Variants in RTN3 observed in about 807,000 individuals in gnomAD.
RTN3 encodes reticulon-3.
In RTN3, 49 loss-of-function variants were observed where a neutral mutation model predicts 77.8. The ratio of observed to expected loss-of-function variants is 0.63; its 90% CI spans 0.50 to 0.80. The LOEUF (loss-of-function observed/expected upper bound fraction) is 0.80. Ranked by LOEUF, RTN3 falls within the 30% of genes least tolerant of loss-of-function variation. The probability of loss-of-function intolerance (pLI) is 0.00; values close to 1 mark genes in which losing one functional copy is unlikely to be tolerated. For synonymous variants in RTN3, 464 were observed against 446.9 expected, an observed-to-expected ratio of 1.04 and a Z score of -0.48; for missense variants, 1,236 against 1,211.9, an observed-to-expected ratio of 1.02 and a Z score of -0.29.
At chr11:63,750,878 C>T (rs183941272) in intron 4 of RTN3, among the ~76,000 whole-genome samples, 1 of 152,150 alleles carries the variant, frequency 6.6e-6, no homozygotes, top group Non-Finnish European at 1.5e-5. Context: ...ACTACAGGCA[C>T]CCACCATCAC....
At position 63,704,912 on chromosome 11, in the gene RTN3, G is replaced by A. The variant is rs770097491; in HGVS notation, c.199+5G>A. On this transcript the variant is annotated splice_donor_5th_base_variant and intron_variant, in intron 2 of 8. Coordinates refer to ENST00000377819, the MANE Select transcript of RTN3 (RefSeq NM_001265589.2). ...CTCTATTTTCGACCTCACAAGGCAA[G>A]TCTGTAATTTTTTTGTGTGCATTGG... 1.2e-6 allele frequency: 2 copies of A among 1,607,466 alleles called. No individual in the cohort carries two copies. The highest frequency in any genetic ancestry group is 2.2e-5 in the East Asian group (1 of 44,824).
At chr11:63,730,710 C>G (rs1382573307) in intron 3 of RTN3, among the ~76,000 whole-genome samples, 2 of 152,148 alleles carry the variant, frequency 1.3e-5, no homozygotes, top group African/African-American at 2.4e-5. Flanking sequence ...GTCCCAGCTA[C>G]TCAGGAGGCT....
In RTN3 at chr11:63,752,519, C is replaced by A. The variant is rs112039472; in HGVS notation, c.2751C>A (p.Asp917Glu). 2 of 1,613,200 alleles carry A rather than the reference C, an allele frequency of 1.2e-6. No individual in the cohort carries two copies. Among genetic ancestry groups the A allele is most frequent in the African/African-American group, 2.7e-5 (2 of 75,020 alleles). The change falls in exon 5 of 9, where the codon GAC becomes GAA. Residue 917 changes from aspartate (D) to glutamate (E), a missense_variant. By Grantham distance (45) the Asp-to-Glu change is conservative (BLOSUM62 2). Transcript: ENST00000377819. ...CTTCTTCTGGAAGAGCCTACCTGGACGTAGACATTACTCTGTCCTCAGAAG... is the reference window on the plus strand; with the variant it reads ...CTTCTTCTGGAAGAGCCTACCTGGAAGTAGACATTACTCTGTCCTCAGAAG... ...EEGHPFKAYL[D>E]VDITLSSEAF...
At chr11:63,751,446 T>A (rs2014101006) in intron 4 of RTN3, among the ~76,000 whole-genome samples, 1 of 152,242 alleles carries the variant, frequency 6.6e-6, no homozygotes, top group African/African-American at 2.4e-5. Context: ...AATTTCTAGC[T>A]TTTTTGATTG....
At chr11:63,735,269 G>A (rs895948418) in intron 3 of RTN3, among the ~76,000 whole-genome samples, 1 of 151,934 alleles carries the variant, frequency 6.6e-6, no homozygotes, top group Admixed American at 6.6e-5. Flanking sequence ...GGATTACAAG[G>A]TGTGAGCCAC....
chr11:63,733,481 TCAGAATAAAAAAA>T (rs1171942023), intron 3 of RTN3, among the ~76,000 whole-genome samples: 1 of 146,988 alleles, frequency 6.8e-6, no homozygotes, highest in Non-Finnish European at 1.5e-5. Context: ...AGAGACTGTC[TCAGAATAAAAAAA>T]AAAAAGATTG....
intron 2 of RTN3, among the ~76,000 whole-genome samples, chr11:63,707,951 A>T (rs1942577482): frequency 6.6e-6 from 1 of 152,242 alleles, no homozygotes; most frequent in African/African-American, 2.4e-5. Flanking sequence ...AAAGTAGCCC[A>T]GTGGGGCCCT....
intron 2 of RTN3, among the ~76,000 whole-genome samples, chr11:63,716,979 C>CAA (rs6144367): frequency 0.67 from 81,070 of 120,140 alleles, 28,229 homozygotes; most frequent in East Asian, 0.94. Context: ...AAAAAAAAAA[C>CAA]AAAAAAAAAA....
At chr11:63,740,966 A>G (rs1371332733) in intron 3 of RTN3, among the ~76,000 whole-genome samples, 1 of 152,126 alleles carries the variant, frequency 6.6e-6, no homozygotes, top group Non-Finnish European at 1.5e-5. Context: ...ATCCTATTTT[A>G]CAAATGAGGG....
At chr11:63,727,825 TGAGA>T (rs1044682628) in intron 3 of RTN3, among the ~76,000 whole-genome samples, 4 of 151,994 alleles carry the variant, frequency 2.6e-5, no homozygotes, top group African/African-American at 7.2e-5. Flanking sequence ...GAGAGGAAAG[TGAGA>T]GAGAGACTGG....
intron 2 of RTN3, among the ~76,000 whole-genome samples, chr11:63,713,420 C>A (rs1366226185): frequency 6.6e-6 from 1 of 152,142 alleles, no homozygotes; most frequent in Non-Finnish European, 1.5e-5. Context: ...AGCAGTCCTC[C>A]CACTTCAGCC....
intron 3 of RTN3, among the ~76,000 whole-genome samples, chr11:63,729,392 A>AG (rs922592540): frequency 7.9e-5 from 12 of 151,460 alleles, no homozygotes; most frequent in Non-Finnish European, 1.6e-4. Context: ...CAATTATAAC[A>AG]GAAAAAAACG....
chr11:63,707,817 G>A lies in RTN3; in HGVS notation c.199+2910G>A, dbSNP rs1275745585. Among the ~76,000 whole-genome samples, 3 of 151,990 alleles carry A rather than the reference G, an allele frequency of 2.0e-5. No homozygotes were observed. The South Asian group carries it at 6.2e-4, about 32-fold the overall frequency. On this transcript the variant is annotated intron_variant, in intron 2 of 8. Transcript: ENST00000377819. ...CTATTCATTGCACTCCAGCTTGGGC[G>A]AAAGAGCAAAACTCCGTCTCAAAAA...
chr11:63,704,720 A>T, intron 1 of RTN3, 131 bp from the exon 2 acceptor site: 1 of 591,472 alleles, frequency 1.7e-6, no homozygotes, highest in Non-Finnish European at 3.0e-6. Flanking sequence ...GGAAATAAAG[A>T]TTTGAGTTTT....
rs1345641979 is a variant in RTN3 at position 63,719,136 on chromosome 11, A to C, written c.634A>C (p.Lys212Gln). The C allele has an allele frequency of 6.2e-7, 1 of 1,614,102 alleles. No homozygotes were observed. Among genetic ancestry groups the C allele is most frequent in the Non-Finnish European group, 8.5e-7 (1 of 1,180,052 alleles). The change falls in exon 3 of 9, where the codon AAA becomes CAA. Residue 212 changes from lysine to glutamine, a missense_variant. By Grantham distance (53) the Lys-to-Gln change is moderately conservative. Coordinates refer to ENST00000377819, the MANE Select transcript of RTN3 (RefSeq NM_001265589.2). The stretch of plus-strand genomic sequence containing the variant: ...CAGATTCACTTTGCTGACAGCCCAG[A>C]AACCACCTACTGAGTACTCTAAGGT... ...DDRFTLLTAQ[K>Q]PPTEYSKVEG...
intron 1 of RTN3, among the ~76,000 whole-genome samples, chr11:63,696,467 G>A (rs1941944611): frequency 6.6e-6 from 1 of 152,004 alleles, no homozygotes; most frequent in Admixed American, 6.6e-5. Context: ...CAGCACTTCG[G>A]GAGGCTAAGG....
intron 1 of RTN3, among the ~76,000 whole-genome samples, chr11:63,683,570 T>C (rs966248495): frequency 2.6e-5 from 4 of 152,236 alleles, no homozygotes; most frequent in Non-Finnish European, 5.9e-5. Context: ...TTTTTCATTC[T>C]TTTAATGCAC....
At chr11:63,697,302 TTTTTTA>T (rs1565304880) in intron 1 of RTN3, among the ~76,000 whole-genome samples, 1 of 151,724 alleles carries the variant, frequency 6.6e-6, no homozygotes, top group South Asian at 2.1e-4. Context: ...CTTATGCTTT[TTTTTTA>T]TTTTTATTTT....
Position 63,758,319 on chromosome 11 carries a change from T to C in RTN3, c.*118T>C, listed in dbSNP as rs1426235120. 1.2e-6 allele frequency: 2 copies of C among 1,612,978 alleles called. No homozygotes were observed. Among genetic ancestry groups the C allele is most frequent in the Non-Finnish European group, 1.7e-6 (2 of 1,179,844 alleles). On this transcript the variant is annotated 3_prime_UTR_variant, in exon 9 of 9. Transcript: ENST00000377819. ...AGCTTGAGCCTGCATTCCAAGCTTT[T>C]TTTTTAATTTGGTGTTTTCTCCCAT...
Sources: gnomAD v4.1 joint callset for allele counts (sites outside exome capture counted in the v4.1 genomes callset) on GRCh38, gnomAD v4.1.1 for gene constraint, MANE v1.5 for transcripts, NCBI Gene and HGNC (gene_info 2026-07-23, HGNC 2026-07-21) for gene names.